Variants in PTPRK observed in about 807,000 individuals in gnomAD.
PTPRK encodes the protein protein tyrosine phosphatase receptor type K, also known as receptor-type tyrosine-protein phosphatase kappa.
A neutral mutation model predicts 178.0 loss-of-function variants in PTPRK; 75 were observed. The observed-to-expected ratio is 0.42, with a 90% CI of 0.35 to 0.51. PTPRK has a LOEUF of 0.51. Ranked by LOEUF, PTPRK falls within the 20% of genes least tolerant of loss-of-function variation. The pLI is 0.02. For synonymous variants in PTPRK, 637 were observed against 620.6 expected, an observed-to-expected ratio of 1.03 and a Z score of -0.39; for missense variants, 1,441 against 1,797.8, an observed-to-expected ratio of 0.80 and a Z score of 3.59.
At chr6:128,450,198 A>G (rs1472695052) in intron 1 of PTPRK, among the ~76,000 whole-genome samples, 1 of 152,158 alleles carries the variant, frequency 6.6e-6, no homozygotes, top group Non-Finnish European at 1.5e-5. Flanking sequence ...GACAGTGGAG[A>G]AAAGTATGCC....
At chr6:128,272,599 C>T (rs574047244) in intron 3 of PTPRK, among the ~76,000 whole-genome samples, 9 of 152,130 alleles carry the variant, frequency 5.9e-5, no homozygotes, top group South Asian at 2.1e-4. Context: ...CCAACAGACA[C>T]GTGAAAAAAT....
At chr6:128,055,343 A>G (rs1779713229) in intron 13 of PTPRK, among the ~76,000 whole-genome samples, 3 of 152,214 alleles carry the variant, frequency 2.0e-5, no homozygotes, top group Non-Finnish European at 4.4e-5. Context: ...ACCAATGTAT[A>G]TAAATGAACT....
At chr6:128,063,650 G>A (rs938097399) in intron 13 of PTPRK, 3 of 152,250 alleles carry the variant, frequency 2.0e-5, no homozygotes, top group Admixed American at 1.3e-4. Context: ...GTATGTATCT[G>A]TGTATATTTT....
At chr6:128,268,445 A>G (rs1819289558) in intron 3 of PTPRK, among the ~76,000 whole-genome samples, 1 of 152,012 alleles carries the variant, frequency 6.6e-6, no homozygotes, top group Non-Finnish European at 1.5e-5. Flanking sequence ...CATTAATTAA[A>G]CTTTATATGA....
chr6:128,505,823 AG>A (rs1291571084), intron 1 of PTPRK, among the ~76,000 whole-genome samples: 1 of 152,250 alleles, frequency 6.6e-6, no homozygotes, highest in Non-Finnish European at 1.5e-5. Context: ...CAGGTCAAAG[AG>A]CAACTCTGCA....
chr6:128,499,806 T>C (rs975594809), intron 1 of PTPRK, among the ~76,000 whole-genome samples: 1 of 152,222 alleles, frequency 6.6e-6, no homozygotes, highest in African/African-American at 2.4e-5. Flanking sequence ...ACAAAATGTA[T>C]GATTACCTTT....
At position 128,519,964 on chromosome 6, in the gene PTPRK, C is replaced by T. The variant is rs569147871; in HGVS notation, c.100+295G>A. Among the ~76,000 whole-genome samples the T allele has an allele frequency of 2.0e-5, 3 of 152,338 alleles. No individual in the cohort carries two copies. Among genetic ancestry groups the T allele is most frequent in the Non-Finnish European group, 2.9e-5 (2 of 68,038 alleles). ...AGTCGTAACTACTTTTTCTTTCTCT[C>T]TTCCCCACTAGCCCGGCGCAGGCCA... On this transcript the variant is annotated intron_variant, in intron 1 of 29. Transcript: ENST00000368226. The surrounding 1 kb of genome is among the most constrained non-coding windows in gnomAD (Gnocchi z 4.3).
At chr6:128,105,195 A>G (rs578156315) in intron 7 of PTPRK, among the ~76,000 whole-genome samples, 26 of 149,178 alleles carry the variant, frequency 1.7e-4, no homozygotes, top group South Asian at 6.3e-4. Context: ...GTGCAGTGGC[A>G]CGATCTCGGC....
At chr6:128,204,931 G>A (rs1378625007) in intron 6 of PTPRK, among the ~76,000 whole-genome samples, 1 of 152,076 alleles carries the variant, frequency 6.6e-6, no homozygotes, top group African/African-American at 2.4e-5. Context: ...CCAAAAGAAT[G>A]GAATCATTCT....
chr6:128,441,650 A>G (rs1846298564), intron 1 of PTPRK, among the ~76,000 whole-genome samples: 1 of 152,178 alleles, frequency 6.6e-6, no homozygotes, highest in African/African-American at 2.4e-5. Context: ...TCTATCTTCC[A>G]TGAAACTAAC....
rs142268574 is a variant in PTPRK at position 128,022,384 on chromosome 6, C to T, written c.2195-13116G>A. Among the ~76,000 whole-genome samples, 42 of 152,220 alleles carry T rather than the reference C, an allele frequency of 2.8e-4. 2 individuals are homozygous for T. In the East Asian group the frequency reaches 7.1e-3, roughly 26 times the overall value. ...TGCCATGAAAACTTTTGGTCCCTTACGTTTCTTCTCTTAAAATCTAATACT... is the reference window on the plus strand; with the variant it reads ...TGCCATGAAAACTTTTGGTCCCTTATGTTTCTTCTCTTAAAATCTAATACT... On this transcript the variant is annotated intron_variant, in intron 13 of 29. Transcript: ENST00000368226.
At chr6:128,075,352 C>A (rs1378618871) in intron 11 of PTPRK, among the ~76,000 whole-genome samples, 1 of 126,682 alleles carries the variant, frequency 7.9e-6, no homozygotes, top group Non-Finnish European at 1.7e-5. Context: ...GGGGCTGGCA[C>A]TAAACAACCT....
chr6:128,071,740 T>C (rs1782865469), intron 11 of PTPRK, among the ~76,000 whole-genome samples: 1 of 152,032 alleles, frequency 6.6e-6, no homozygotes, highest in South Asian at 2.1e-4. Context: ...ATGGTGAGTC[T>C]TTAAGAAGTA....
intron 18 of PTPRK, among the ~76,000 whole-genome samples, chr6:127,994,658 C>T (rs924285348): frequency 6.6e-6 from 1 of 151,684 alleles, no homozygotes; most frequent in Non-Finnish European, 1.5e-5. Flanking sequence ...TAATTACTTC[C>T]TTTAAATAAA....
chr6:128,377,248 T>G (rs1053938543), intron 2 of PTPRK, among the ~76,000 whole-genome samples: 1 of 152,198 alleles, frequency 6.6e-6, no homozygotes, highest in Non-Finnish European at 1.5e-5. Context: ...TACAGTTCCA[T>G]GTAGCTGGGG....
intron 7 of PTPRK, 39 bp downstream of exon 7, chr6:128,184,393 T>C: frequency 6.3e-7 from 1 of 1,588,684 alleles, no homozygotes. Flanking sequence ...TATGCTAGAT[T>C]CCTTCACAAG....
At chr6:128,222,736 A>C (rs896209788) in intron 5 of PTPRK, among the ~76,000 whole-genome samples, 1 of 152,174 alleles carries the variant, frequency 6.6e-6, no homozygotes, top group African/African-American at 2.4e-5. Context: ...GATTCTTTCA[A>C]CTTTCTATTG....
intron 1 of PTPRK, among the ~76,000 whole-genome samples, chr6:128,415,110 C>T (rs1842699152): frequency 6.6e-6 from 1 of 152,126 alleles, no homozygotes; most frequent in South Asian, 2.1e-4. Flanking sequence ...GGCAGGGACT[C>T]TTCAGAAGCA....
At chr6:128,451,048 G>T (rs1464431789) in intron 1 of PTPRK, among the ~76,000 whole-genome samples, 1 of 152,106 alleles carries the variant, frequency 6.6e-6, no homozygotes, top group African/African-American at 2.4e-5. Context: ...AAAAATAAGT[G>T]ACAATGTCTG....
Sources: gnomAD v4.1 joint callset for allele counts (sites outside exome capture counted in the v4.1 genomes callset) on GRCh38, gnomAD v4.1.1 for gene constraint, Gnocchi (gnomAD v3.1) non-coding constraint, MANE v1.5 for transcripts, NCBI Gene and HGNC (gene_info 2026-07-23, HGNC 2026-07-21) for gene names.